The following ZPBP variants were observed in gnomAD, a reference collection of about 807,000 sequenced individuals.
ZPBP encodes the protein zona pellucida binding protein.
A neutral mutation model predicts 44.8 loss-of-function variants in ZPBP; 26 were observed. That is an observed-to-expected ratio of 0.58 (90% CI 0.43 to 0.81). The LOEUF is 0.81. ZPBP is among the 30% of genes least tolerant of loss of function. The probability of loss-of-function intolerance (pLI) is 0.00; values close to 1 mark genes in which losing one functional copy is unlikely to be tolerated. For synonymous variants in ZPBP, 174 were observed against 153.2 expected (o/e 1.14, Z -1.00); for missense variants, 409 against 434.0 (o/e 0.94, Z 0.51).
intron 4 of ZPBP, among the ~76,000 whole-genome samples, chr7:50,045,978 T>G (rs746677573): frequency 6.6e-6 from 1 of 152,076 alleles, no homozygotes; most frequent in Non-Finnish European, 1.5e-5. Flanking sequence ...AACAGAGGCC[T>G]CAGAAATAAT....
chr7:49,937,755 G>T (rs1583873174), intron 7 of ZPBP, 133 bp from the exon 8 acceptor site: 1 of 727,442 alleles, frequency 1.4e-6, no homozygotes, highest in East Asian at 2.8e-5. Context: ...CAAATCTGCA[G>T]AACTTTTTCA....
intron 2 of ZPBP, among the ~76,000 whole-genome samples, chr7:49,868,491 A>G (rs1791005120): frequency 6.6e-6 from 1 of 152,246 alleles, no homozygotes. Flanking sequence ...TACCTAAATC[A>G]CATAGAATTA....
At chr7:49,912,313 T>G in intron 1 of ZPBP, 1 of 978,474 alleles carries the variant, frequency 1.0e-6, no homozygotes, top group Non-Finnish European at 1.5e-6. Flanking sequence ...TGTTGGTACT[T>G]TTCCTTTTCT....
rs149606425 is a variant in ZPBP, at chr7:49,881,107, CAG to C, written n.509+20009_509+20010del. On this transcript the variant is annotated intron_variant and non_coding_transcript_variant, in intron 2 of 2. Coordinates refer to the ZPBP transcript ENST00000465922. ...CCTCCATTCCTGGCCTCAGTTCTCT[CAG>C]CCTGAGAGGCCAGGTTTGCGTTTGA... Among the ~76,000 whole-genome samples, 559 of 152,282 alleles carry C rather than the reference CAG, an allele frequency of 3.7e-3. 6 individuals carry two copies. The highest frequency in any genetic ancestry group is 6.2e-3 in the Non-Finnish European group (423 of 68,012).
chr7:49,887,578 TGATA>T (rs1791955744), intron 2 of ZPBP, among the ~76,000 whole-genome samples: 8 of 152,332 alleles, frequency 5.3e-5, no homozygotes, highest in Admixed American at 4.6e-4. Flanking sequence ...TGTGTCTGTA[TGATA>T]ATCAGATGTC....
intron 6 of ZPBP, among the ~76,000 whole-genome samples, chr7:49,999,659 G>C (rs908255142): frequency 6.6e-6 from 1 of 151,744 alleles, no homozygotes; most frequent in African/African-American, 2.4e-5. Flanking sequence ...AATGTTTGAG[G>C]GAAGGAGAAG....
At chr7:49,969,297 TATAAC>T (rs1379181482) in intron 7 of ZPBP, among the ~76,000 whole-genome samples, 4 of 150,572 alleles carry the variant, frequency 2.7e-5, no homozygotes, top group African/African-American at 7.3e-5. Context: ...AGTAGTAAGT[TATAAC>T]ATAACAAGTT....
chr7:49,989,151 C>G (rs2128786562), intron 6 of ZPBP, among the ~76,000 whole-genome samples: 1 of 152,264 alleles, frequency 6.6e-6, no homozygotes, highest in South Asian at 2.1e-4. Context: ...GGTTGTTTTA[C>G]CAAGGCTTTG....
chr7:49,952,289 C>T (rs1406515011), intron 7 of ZPBP, among the ~76,000 whole-genome samples: 1 of 151,786 alleles, frequency 6.6e-6, no homozygotes, highest in Non-Finnish European at 1.5e-5. Context: ...ATTGGTGTGA[C>T]ACATGTTTAT....
chr7:49,901,162 A>G (rs1211409485), exon 2 of ZPBP: 1 of 151,912 alleles, frequency 6.6e-6, no homozygotes, highest in Admixed American at 6.5e-5. Context: ...GGAACAAAAT[A>G]AGGCTGTCTC....
At chr7:50,021,485 GAA>G (rs77073741) in intron 5 of ZPBP, among the ~76,000 whole-genome samples, 8 of 149,800 alleles carry the variant, frequency 5.3e-5, no homozygotes, top group Non-Finnish European at 1.0e-4. Flanking sequence ...AGTCAGAGAA[GAA>G]AAAAAAAATT....
At chr7:50,090,501 G>GTA (rs1340789429) in intron 1 of ZPBP, among the ~76,000 whole-genome samples, 9 of 151,104 alleles carry the variant, frequency 6.0e-5, no homozygotes, top group South Asian at 2.1e-4. Context: ...GTATATGAGT[G>GTA]TATATATATG....
the ZPBP span, among the ~76,000 whole-genome samples, chr7:49,842,608 G>T: frequency 6.6e-6 from 1 of 152,138 alleles, no homozygotes; most frequent in African/African-American, 2.4e-5. Flanking sequence ...AGTGAACTTA[G>T]GAATGTTCTT....
At chr7:49,891,584 C>T (rs896077732) in intron 2 of ZPBP, among the ~76,000 whole-genome samples, 2 of 152,186 alleles carry the variant, frequency 1.3e-5, no homozygotes, top group South Asian at 2.1e-4. Context: ...TACTATTGCA[C>T]ATCCGCCAGG....
chr7:49,890,780 G>A (rs1190306699), intron 2 of ZPBP, among the ~76,000 whole-genome samples: 1 of 151,824 alleles, frequency 6.6e-6, no homozygotes, highest in Admixed American at 6.6e-5. Flanking sequence ...AGGACTTGAA[G>A]GTCTAGCTCT....
At chr7:49,852,491 T>C (rs1218618822) in intron 2 of ZPBP, among the ~76,000 whole-genome samples, 1 of 152,200 alleles carries the variant, frequency 6.6e-6, no homozygotes, top group East Asian at 1.9e-4. Flanking sequence ...TCTTTCCATC[T>C]TTAAACTAAC....
chr7:49,953,107 TTGAG>T (rs1795417082), intron 7 of ZPBP, among the ~76,000 whole-genome samples: 2 of 152,112 alleles, frequency 1.3e-5, no homozygotes, highest in Non-Finnish European at 2.9e-5. Flanking sequence ...GCTTACTGTC[TTGAG>T]TGAGTTTTCA....
rs879726154 is a variant in ZPBP, at chr7:49,893,635, G to GT, written n.509+7482dup. Reference sequence around the variant, plus strand: ...AATGAAAATGTATCTTAGGAAACCAGTTTTTTTTTTTTTTATCCTTTTGAG... The same window carrying GT: ...AATGAAAATGTATCTTAGGAAACCAGTTTTTTTTTTTTTTTATCCTTTTGAG... On this transcript the variant is annotated intron_variant and non_coding_transcript_variant, in intron 2 of 2. Coordinates refer to the ZPBP transcript ENST00000465922. Among the ~76,000 whole-genome samples the GT allele has an allele frequency of 7.9e-3, 575 of 72,630 alleles. 4 individuals are homozygous for GT. Among genetic ancestry groups the GT allele is most frequent in the Middle Eastern group, 0.014 (2 of 140 alleles). 47.6% of individuals were successfully genotyped at this position (72,630 alleles called of 152,430 possible).
chr7:49,919,946 A>T (rs1368586829), intron 1 of ZPBP: 1 of 152,234 alleles, frequency 6.6e-6, no homozygotes, highest in African/African-American at 2.4e-5. Context: ...ACCTTAAAAT[A>T]TTTGTTACAA....
Sources: gnomAD v4.1 joint callset for allele counts (sites outside exome capture counted in the v4.1 genomes callset) on GRCh38, gnomAD v4.1.1 for gene constraint, MANE v1.5 for transcripts, NCBI Gene and HGNC (gene_info 2026-07-23, HGNC 2026-07-21) for gene names.